Variants in TENM2 observed in about 807,000 individuals in gnomAD.
The protein encoded by TENM2 is teneurin-2.
In TENM2, 52 loss-of-function variants were observed where a neutral mutation model predicts 245.2. The observed-to-expected ratio is 0.21, with a 90% CI of 0.17 to 0.27. TENM2 has a LOEUF of 0.27. Among genes scored for constraint, TENM2 ranks in the 10% least tolerant of loss-of-function variants. The pLI is 1.00. For synonymous variants in TENM2, 1,363 were observed against 1,438.9 expected, an observed-to-expected ratio of 0.95 and a Z score of 1.19; for missense variants, 3,046 against 3,666.8, an observed-to-expected ratio of 0.83 and a Z score of 4.37.
the TENM2 span, among the ~76,000 whole-genome samples, chr5:167,240,415 T>A: frequency 1.3e-5 from 2 of 152,194 alleles, no homozygotes; most frequent in South Asian, 2.1e-4. Flanking sequence ...TTATTTTTTT[T>A]AATTCCACTC....
At chr5:167,881,367 T>C (rs1306067613) in intron 3 of TENM2, among the ~76,000 whole-genome samples, 1 of 152,230 alleles carries the variant, frequency 6.6e-6, no homozygotes, top group Non-Finnish European at 1.5e-5. Flanking sequence ...AACTTCTTAT[T>C]GTGCTCTTTA....
intron 23 of TENM2, among the ~76,000 whole-genome samples, chr5:168,225,343 C>G (rs768677069): frequency 6.6e-6 from 1 of 152,100 alleles, no homozygotes; most frequent in Non-Finnish European, 1.5e-5. Context: ...GTCTCAAATG[C>G]GAGATTTTTA....
At chr5:167,793,034 T>C (rs1765090940) in intron 2 of TENM2, among the ~76,000 whole-genome samples, 1 of 152,174 alleles carries the variant, frequency 6.6e-6, no homozygotes, top group Non-Finnish European at 1.5e-5. Flanking sequence ...CATTAGTAAA[T>C]TATGAGTTCC....
chr5:168,117,497 A>C (rs775220776), intron 9 of TENM2, among the ~76,000 whole-genome samples: 28 of 152,356 alleles, frequency 1.8e-4, no homozygotes, highest in Admixed American at 1.4e-3. Context: ...AGTTAGGCCC[A>C]GTAAGAGATT....
chr5:168,054,257 G>A (rs754978792), intron 6 of TENM2, among the ~76,000 whole-genome samples: 2 of 152,180 alleles, frequency 1.3e-5, no homozygotes, highest in Non-Finnish European at 2.9e-5. Flanking sequence ...GGATGTAATT[G>A]CATTCCTAAA....
the TENM2 span, among the ~76,000 whole-genome samples, chr5:167,277,832 C>T: frequency 6.6e-6 from 1 of 151,850 alleles, no homozygotes; most frequent in South Asian, 2.1e-4. Context: ...TCCATGTCCT[C>T]TTGGAAGATT....
intron 2 of TENM2, among the ~76,000 whole-genome samples, chr5:167,398,271 A>G (rs1279314364): frequency 6.6e-6 from 1 of 152,152 alleles, no homozygotes; most frequent in Non-Finnish European, 1.5e-5. Flanking sequence ...AATTACCAAT[A>G]AGATCTCAAA....
chr5:167,039,909 G>C, the TENM2 span, among the ~76,000 whole-genome samples: 5 of 152,146 alleles, frequency 3.3e-5, no homozygotes, highest in African/African-American at 9.7e-5. Context: ...TCTGAGAGGA[G>C]TTATGTTTGA....
chr5:168,019,186 G>C (rs1015764225), intron 5 of TENM2, among the ~76,000 whole-genome samples: 2 of 152,168 alleles, frequency 1.3e-5, no homozygotes, highest in African/African-American at 4.8e-5. Context: ...AGTATACAAG[G>C]ATCTAGGGTA....
chr5:167,555,031 T>A (rs552531679), intron 2 of TENM2, among the ~76,000 whole-genome samples: 1 of 152,116 alleles, frequency 6.6e-6, no homozygotes, highest in South Asian at 2.1e-4. Context: ...TGGAAAGCAA[T>A]GGTACCAATT....
chr5:167,428,207 T>A (rs1375217106), intron 2 of TENM2, among the ~76,000 whole-genome samples: 7 of 152,196 alleles, frequency 4.6e-5, no homozygotes, highest in Non-Finnish European at 8.8e-5. Context: ...ATGAGTTTTT[T>A]AAAAAATTAA....
intron 3 of TENM2, among the ~76,000 whole-genome samples, chr5:167,935,441 T>C (rs9942389): frequency 0.08 from 12,171 of 152,264 alleles, 914 homozygotes; most frequent in African/African-American, 0.19. Context: ...ACACCACACC[T>C]GTTTCCCCAG....
chr5:168,058,524 G>C (rs575251607), intron 6 of TENM2, among the ~76,000 whole-genome samples: 4 of 152,332 alleles, frequency 2.6e-5, no homozygotes, highest in African/African-American at 9.6e-5. Flanking sequence ...GAGGACAGTG[G>C]TTGGGGTGGT....
At chr5:166,980,405 A>C in the TENM2 span, among the ~76,000 whole-genome samples, 1 of 152,206 alleles carries the variant, frequency 6.6e-6, no homozygotes, top group East Asian at 1.9e-4. Flanking sequence ...TAATGAATGC[A>C]AATTGAACTC....
At chr5:167,952,232 G>A in intron 3 of TENM2, 1 of 346,372 alleles carries the variant, frequency 2.9e-6, no homozygotes, top group Non-Finnish European at 5.3e-6. Flanking sequence ...AGTTTACCTG[G>A]AAAGGGAATA....
chr5:167,761,015 G>A (rs116076987), intron 2 of TENM2, among the ~76,000 whole-genome samples: 2,866 of 152,196 alleles, frequency 0.019, 74 homozygotes, highest in African/African-American at 0.063. Flanking sequence ...CCCACTAAAT[G>A]TCTCTGTGGC....
At chr5:167,491,379 T>C (rs879051941) in intron 2 of TENM2, among the ~76,000 whole-genome samples, 1 of 151,866 alleles carries the variant, frequency 6.6e-6, no homozygotes, top group Admixed American at 6.6e-5. Flanking sequence ...GATATCCAGT[T>C]AATTGGTGCT....
intron 2 of TENM2, among the ~76,000 whole-genome samples, chr5:167,841,465 A>G (rs968776350): frequency 1.3e-5 from 2 of 152,184 alleles, no homozygotes; most frequent in African/African-American, 4.8e-5. Flanking sequence ...TTGTGTATAT[A>G]TATGTGCCAC....
chr5:167,969,901 G>A (rs1474195474), intron 4 of TENM2, among the ~76,000 whole-genome samples: 2 of 152,152 alleles, frequency 1.3e-5, no homozygotes, highest in African/African-American at 2.4e-5. Context: ...CCTGGATCAC[G>A]TGCCCATGTG....
Sources: allele counts gnomAD v4.1 joint callset (sites outside exome capture counted in the v4.1 genomes callset), GRCh38; gene constraint gnomAD v4.1.1; transcripts MANE v1.5; gene names NCBI Gene and HGNC (gene_info 2026-07-23, HGNC 2026-07-21).